TOM1L2: variants seen among roughly 807,000 people sequenced by gnomAD.
The protein encoded by TOM1L2 is TOM1-like protein 2.
Under a neutral mutation model 67.9 loss-of-function variants are expected in TOM1L2, and 31 were observed. That is an observed-to-expected ratio of 0.46 (90% CI 0.34 to 0.62). The LOEUF (loss-of-function observed/expected upper bound fraction) is 0.62. Among genes scored for constraint, TOM1L2 ranks in the 20% least tolerant of loss-of-function variants. The pLI, the probability that TOM1L2 is intolerant of heterozygous loss-of-function variation, is 0.01. For synonymous variants in TOM1L2, 256 were observed against 254.0 expected, an observed-to-expected ratio of 1.01 and a Z score of -0.07; for missense variants, 606 against 663.5, an observed-to-expected ratio of 0.91 and a Z score of 0.95.
chr17:17,969,859 T>TTC (rs10555800), intron 1 of TOM1L2, among the ~76,000 whole-genome samples: 1,898 of 150,234 alleles, frequency 0.013, 25 homozygotes, highest in East Asian at 0.076. Context: ...ATAGGAATCT[T>TTC]TCTCTCTCTC....
intron 1 of TOM1L2, among the ~76,000 whole-genome samples, chr17:17,937,842 C>T (rs1461223181): frequency 6.6e-6 from 1 of 152,206 alleles, no homozygotes; most frequent in Non-Finnish European, 1.5e-5. Flanking sequence ...TAGCACTCCA[C>T]ACTGGGCTCC....
chr17:17,962,687 T>C (rs1250258315), intron 1 of TOM1L2, among the ~76,000 whole-genome samples: 1 of 152,088 alleles, frequency 6.6e-6, no homozygotes, highest in Non-Finnish European at 1.5e-5. Context: ...GGGCCTGGTG[T>C]GGTGGCTCAC....
intron 1 of TOM1L2, among the ~76,000 whole-genome samples, chr17:17,929,361 G>C (rs2040232327): frequency 6.6e-6 from 1 of 152,200 alleles, no homozygotes; most frequent in Non-Finnish European, 1.5e-5. Flanking sequence ...TCAGAGCCTG[G>C]GCGTGGTGGC....
rs528027873 is a variant in TOM1L2, at chr17:17,884,739, A to G, written c.396T>C (p.Pro132=). ...ATATGTGCACAACGCCGGTGAGATCAGGACTGCTTCGAAAGGCATCAGCCC... is the reference window on the plus strand; with the variant it reads ...ATATGTGCACAACGCCGGTGAGATCGGGACTGCTTCGAAAGGCATCAGCCC... The part of the protein sequence containing the change: ...QAWADAFRSS[P]DLTGVVHIYE... The change falls in exon 5 of 15, where the codon CCT becomes CCC. Residue 132 remains proline, a synonymous_variant. Coordinates refer to ENST00000379504, the MANE Select transcript of TOM1L2 (RefSeq NM_001082968.2). 8 of 1,613,796 alleles carry G rather than the reference A, an allele frequency of 5.0e-6. No individual in the cohort carries two copies. The East Asian group carries it at 1.3e-4, about 27-fold the overall frequency.
intron 1 of TOM1L2, among the ~76,000 whole-genome samples, chr17:17,956,042 T>A (rs1333373444): frequency 6.6e-6 from 1 of 152,196 alleles, no homozygotes; most frequent in Non-Finnish European, 1.5e-5. Context: ...ATAAAAGCAG[T>A]GGACTCATGG....
intron 4 of TOM1L2, among the ~76,000 whole-genome samples, chr17:17,887,005 C>A (rs11650649): frequency 0.45 from 68,110 of 152,168 alleles, 17,658 homozygotes; most frequent in Non-Finnish European, 0.61. Context: ...CCTATGTTCT[C>A]CAGAAGGAGC....
At chr17:17,955,862 T>C (rs2041416662) in intron 1 of TOM1L2, among the ~76,000 whole-genome samples, 1 of 152,184 alleles carries the variant, frequency 6.6e-6, no homozygotes, top group Non-Finnish European at 1.5e-5. Flanking sequence ...TCTCGCTGGC[T>C]TCAAGAGTGA....
chr17:17,887,083 C>T (rs1417958938), intron 4 of TOM1L2, among the ~76,000 whole-genome samples: 1 of 152,254 alleles, frequency 6.6e-6, no homozygotes, highest in Middle Eastern at 3.2e-3. Flanking sequence ...ATTTTCTGTC[C>T]CTTCCCAGGG....
chr17:17,869,730 C>T (rs1290323757), intron 7 of TOM1L2: 1 of 1,139,128 alleles, frequency 8.8e-7, no homozygotes. Flanking sequence ...CATGCTTGTA[C>T]AAATCATTAA....
At chr17:17,910,760 G>C (rs1212168585) in intron 1 of TOM1L2, among the ~76,000 whole-genome samples, 3 of 152,014 alleles carry the variant, frequency 2.0e-5, no homozygotes, top group African/African-American at 7.3e-5. Context: ...AGTAGAGATG[G>C]GTTTCGGCAC....
intron 1 of TOM1L2, among the ~76,000 whole-genome samples, chr17:17,929,207 G>A (rs2040225296): frequency 6.6e-6 from 1 of 152,214 alleles, no homozygotes; most frequent in Non-Finnish European, 1.5e-5. Flanking sequence ...GTCAAGAACT[G>A]CCCATCTAGA....
chr17:17,923,529 AT>A (rs1004322732), intron 1 of TOM1L2, among the ~76,000 whole-genome samples: 2 of 151,450 alleles, frequency 1.3e-5, no homozygotes, highest in Admixed American at 6.6e-5. Flanking sequence ...ACAAAAAAAA[AT>A]TTTTTTTTAA....
rs549342664 is a variant in TOM1L2 at position 17,850,028 on chromosome 17, C to G, written c.1338+865G>C. ...GGGAGGTAGCCAGGTCACCAGCCCA[C>G]AGACAGCCAGGCTGACCCTGTGGTT... On this transcript the variant is annotated intron_variant, in intron 13 of 14. Coordinates refer to ENST00000379504, the MANE Select transcript of TOM1L2 (RefSeq NM_001082968.2). Among the ~76,000 whole-genome samples, 8 of 152,320 alleles carry G rather than the reference C, an allele frequency of 5.3e-5. No individual in the cohort carries two copies. The East Asian group carries it at 1.5e-3, about 29-fold the overall frequency.
At chr17:17,913,135 C>T (rs1378253462) in intron 1 of TOM1L2, among the ~76,000 whole-genome samples, 2 of 150,966 alleles carry the variant, frequency 1.3e-5, no homozygotes, top group African/African-American at 2.4e-5. Context: ...GAGATGGCAG[C>T]AGTACAGTCC....
rs979555015 is a variant in TOM1L2 at position 17,892,981 on chromosome 17, G to C, written c.366+680C>G. On this transcript the variant is annotated intron_variant, in intron 4 of 14. Transcript: ENST00000379504. ...CTTCAGACAATGCAACCTCAAGAGA[G>C]ACTCCAAGCCAGAATTGCCCAGCCA... Among the ~76,000 whole-genome samples the C allele has an allele frequency of 2.0e-5, 3 of 152,132 alleles. No homozygotes were observed. In the East Asian group the frequency reaches 5.8e-4, roughly 29 times the overall value.
chr17:17,898,182 C>T (rs2038671425), intron 3 of TOM1L2, among the ~76,000 whole-genome samples: 1 of 152,072 alleles, frequency 6.6e-6, no homozygotes, highest in African/African-American at 2.4e-5. Context: ...CTTCAGCCTC[C>T]CAAAGTGCTG....
chr17:17,951,675 A>T (rs1205245278), intron 1 of TOM1L2, among the ~76,000 whole-genome samples: 1 of 152,256 alleles, frequency 6.6e-6, no homozygotes, highest in Non-Finnish European at 1.5e-5. Context: ...GGGGAGGCCA[A>T]GGATGCAGGA....
chr17:17,872,810 C>T (rs747706029), intron 7 of TOM1L2, among the ~76,000 whole-genome samples: 4 of 152,236 alleles, frequency 2.6e-5, no homozygotes, highest in African/African-American at 4.8e-5. Context: ...GAAAGTGTGG[C>T]CTCTGGGGCT....
At chr17:17,956,582 A>G (rs2041459534) in intron 1 of TOM1L2, among the ~76,000 whole-genome samples, 1 of 152,108 alleles carries the variant, frequency 6.6e-6, no homozygotes, top group South Asian at 2.1e-4. Flanking sequence ...GCCGCATAGG[A>G]GCCCACGGCA....
Sources: allele counts gnomAD v4.1 joint callset (sites outside exome capture counted in the v4.1 genomes callset), GRCh38; gene constraint gnomAD v4.1.1; transcripts MANE v1.5; gene names NCBI Gene and HGNC (gene_info 2026-07-23, HGNC 2026-07-21).